SHROOM3: variants seen among roughly 807,000 people sequenced by gnomAD.
SHROOM3 encodes the protein protein Shroom3.
In SHROOM3, 47 loss-of-function variants were observed where a neutral mutation model predicts 138.6. The observed-to-expected ratio is 0.34, with a 90% CI of 0.27 to 0.43. The LOEUF (loss-of-function observed/expected upper bound fraction) is 0.43. Ranked by LOEUF, SHROOM3 falls within the 20% of genes least tolerant of loss-of-function variation. The probability of loss-of-function intolerance (pLI) is 1.00; values close to 1 mark genes in which losing one functional copy is unlikely to be tolerated. For missense variants in SHROOM3, 2,491 were observed against 2,596.5 expected (o/e 0.96, Z 0.88); for synonymous variants, 1,062 against 1,063.3 (o/e 1.00, Z 0.02).
At chr4:76,505,793 C>A (rs534154088) in intron 1 of SHROOM3, among the ~76,000 whole-genome samples, 13 of 151,566 alleles carry the variant, frequency 8.6e-5, no homozygotes, top group Non-Finnish European at 1.6e-4. Context: ...TCCAAAGAGA[C>A]TACAGGCTCA....
At chr4:76,700,408 G>C (rs1268467361) in intron 2 of SHROOM3, among the ~76,000 whole-genome samples, 1 of 152,194 alleles carries the variant, frequency 6.6e-6, no homozygotes. Context: ...ACTGATGCTT[G>C]GATACCTGCC....
chr4:76,533,033 G>A (rs1732865566), intron 1 of SHROOM3, among the ~76,000 whole-genome samples: 1 of 152,240 alleles, frequency 6.6e-6, no homozygotes, highest in Non-Finnish European at 1.5e-5. Context: ...CCTGGGCCCA[G>A]TGGAGTTGCA....
intron 1 of SHROOM3, among the ~76,000 whole-genome samples, chr4:76,502,711 T>C (rs1354537089): frequency 6.6e-6 from 1 of 152,238 alleles, no homozygotes; most frequent in Non-Finnish European, 1.5e-5. Flanking sequence ...GCATGTTTGC[T>C]GCTACAATAT....
intron 2 of SHROOM3, among the ~76,000 whole-genome samples, chr4:76,615,704 C>A (rs953835047): frequency 2.0e-5 from 3 of 152,118 alleles, no homozygotes; most frequent in Admixed American, 6.5e-5. Flanking sequence ...GTCGGAAGCA[C>A]CTCTCCTTCA....
rs1284399373 is a variant in SHROOM3 at position 76,452,374 on chromosome 4, C to T, written c.168+16154C>T. Among the ~76,000 whole-genome samples, 5 of 152,174 alleles carry T rather than the reference C, an allele frequency of 3.3e-5. No individual in the cohort carries two copies. The East Asian group carries it at 9.6e-4, about 29-fold the overall frequency. On this transcript the variant is annotated intron_variant, in intron 1 of 10. Transcript: ENST00000296043. ...CTGAAACTCTGTATCCATTAAAAACCAATTCTCCATTCCTTCCAGTCCCTA... is the reference window on the plus strand; with the variant it reads ...CTGAAACTCTGTATCCATTAAAAACTAATTCTCCATTCCTTCCAGTCCCTA...
chr4:76,571,139 A>G (rs1733826090), intron 2 of SHROOM3, among the ~76,000 whole-genome samples: 1 of 152,184 alleles, frequency 6.6e-6, no homozygotes, highest in African/African-American at 2.4e-5. Context: ...TCTTTGATTT[A>G]TTTCTCACAA....
chr4:76,780,612 A>G lies in SHROOM3; in HGVS notation c.*1435A>G, dbSNP rs1722709290. ...CATTTTCATTACTTAATGAAGTTTT[A>G]TCTCCTATGTAAGAATATCAAAATT... On this transcript the variant is annotated 3_prime_UTR_variant, in exon 11 of 11. Coordinates refer to ENST00000296043, the MANE Select transcript of SHROOM3 (RefSeq NM_020859.4). 6.6e-6 allele frequency: 1 copy of G among 152,060 alleles called. No individual in the cohort carries two copies. Among genetic ancestry groups the G allele is most frequent in the Non-Finnish European group, 1.5e-5 (1 of 68,010 alleles). The allele number at this position is 152,060 out of a possible 1,614,324, so 9.4% of individuals were successfully genotyped here.
At chr4:76,574,776 A>T (rs987728500) in intron 2 of SHROOM3, among the ~76,000 whole-genome samples, 3 of 152,216 alleles carry the variant, frequency 2.0e-5, no homozygotes, top group African/African-American at 7.2e-5. Flanking sequence ...AGGGTAGTCA[A>T]ATTCATACAC....
At chr4:76,540,389 G>T (rs554821498) in intron 1 of SHROOM3, among the ~76,000 whole-genome samples, 2 of 152,102 alleles carry the variant, frequency 1.3e-5, no homozygotes, top group Non-Finnish European at 2.9e-5. Flanking sequence ...CTTGTTGCAA[G>T]CCAAGTTCTA....
At chr4:76,727,402 G>GA (rs1186307218) in intron 3 of SHROOM3, among the ~76,000 whole-genome samples, 2 of 152,190 alleles carry the variant, frequency 1.3e-5, no homozygotes, top group Non-Finnish European at 2.9e-5. Context: ...CTAATCATTG[G>GA]ATGGAACAAG....
intron 2 of SHROOM3, among the ~76,000 whole-genome samples, chr4:76,574,385 A>G (rs1733895506): frequency 6.6e-6 from 1 of 152,172 alleles, no homozygotes; most frequent in Non-Finnish European, 1.5e-5. Context: ...TCTAAGCCTA[A>G]TGAATTGGGA....
At chr4:76,675,682 C>A (rs1248807998) in intron 2 of SHROOM3, among the ~76,000 whole-genome samples, 3 of 152,068 alleles carry the variant, frequency 2.0e-5, no homozygotes, top group Non-Finnish European at 4.4e-5. Context: ...ACATAGAGGC[C>A]CCATTTTTAT....
intron 6 of SHROOM3, among the ~76,000 whole-genome samples, chr4:76,749,955 G>A (rs1479383191): frequency 2.0e-5 from 3 of 152,032 alleles, no homozygotes; most frequent in Non-Finnish European, 2.9e-5. Flanking sequence ...TCCTTTCTAC[G>A]TTTTTAAGCC....
At chr4:76,525,699 G>A (rs1732675454) in intron 1 of SHROOM3, among the ~76,000 whole-genome samples, 1 of 152,080 alleles carries the variant, frequency 6.6e-6, no homozygotes, top group Non-Finnish European at 1.5e-5. Flanking sequence ...AAGCCTTTTA[G>A]TAACATTCTT....
intron 1 of SHROOM3, among the ~76,000 whole-genome samples, chr4:76,485,843 AT>A (rs1200879083): frequency 6.6e-6 from 1 of 152,198 alleles, no homozygotes; most frequent in Non-Finnish European, 1.5e-5. Context: ...GAAATGTGTC[AT>A]AATAAATGAT....
chr4:76,582,247 T>G (rs1449552810), intron 2 of SHROOM3, among the ~76,000 whole-genome samples: 1 of 152,164 alleles, frequency 6.6e-6, no homozygotes, highest in Non-Finnish European at 1.5e-5. Flanking sequence ...ATTCATAAAT[T>G]TCCTAAGTTC....
At chr4:76,512,061 C>T (rs578251803) in intron 1 of SHROOM3, among the ~76,000 whole-genome samples, 1 of 152,160 alleles carries the variant, frequency 6.6e-6, no homozygotes, top group African/African-American at 2.4e-5. Context: ...GAAAGATCCT[C>T]TTTCTTCAGG....
chr4:76,517,389 G>A (rs765895397), intron 1 of SHROOM3, among the ~76,000 whole-genome samples: 16 of 152,128 alleles, frequency 1.1e-4, no homozygotes, highest in Non-Finnish European at 2.4e-4. Flanking sequence ...ACACTGCATC[G>A]CAAGTACAGG....
chr4:76,445,213 C>G (rs1730781085), intron 1 of SHROOM3, among the ~76,000 whole-genome samples: 1 of 151,970 alleles, frequency 6.6e-6, no homozygotes, highest in African/African-American at 2.4e-5. Flanking sequence ...ACTCATATGC[C>G]AAAGATGATA....
Sources: allele counts gnomAD v4.1 joint callset (sites outside exome capture counted in the v4.1 genomes callset), GRCh38; gene constraint gnomAD v4.1.1; transcripts MANE v1.5; gene names NCBI Gene and HGNC (gene_info 2026-07-23, HGNC 2026-07-21).